The following CR2 variants were observed in gnomAD, a reference collection of about 807,000 sequenced individuals.
CR2 encodes the protein complement receptor type 2.
In CR2, 96 loss-of-function variants were observed where a neutral mutation model predicts 123.0. The observed-to-expected ratio is 0.78, with a 90% CI of 0.66 to 0.93. The LOEUF is 0.93. CR2 is among the 40% of genes least tolerant of loss of function. The pLI, the probability that CR2 is intolerant of heterozygous loss-of-function variation, is 0.00. For synonymous variants in CR2, 484 were observed against 469.5 expected (o/e 1.03, Z -0.40); for missense variants, 1,258 against 1,361.0 (o/e 0.92, Z 1.19).
Position 207,473,075 on chromosome 1 carries a change from CTG to C in CR2, c.1877_1878del (p.Val626AspfsTer6). On this transcript the variant is annotated frameshift_variant, in exon 10 of 20. Transcript: ENST00000367057. LOFTEE classifies it high-confidence loss of function. ...GAAGCCCCATATTTCTACAATGACACTGTGACATTCAAGTGTTATAGTGGATT... is the reference window on the plus strand; with the variant it reads ...GAAGCCCCATATTTCTACAATGACACTGACATTCAAGTGTTATAGTGGATT... The C allele has an allele frequency of 6.2e-7, 1 of 1,613,990 alleles. No individual in the cohort carries two copies. The highest frequency in any genetic ancestry group is 8.5e-7 in the Non-Finnish European group (1 of 1,179,918).
At position 207,471,014 on chromosome 1, in the gene CR2, A is replaced by G; in HGVS notation, c.1420A>G (p.Thr474Ala). The change falls in exon 8 of 20, where the codon ACA becomes GCA. Residue 474 changes from threonine (T) to alanine (A), a missense_variant. By Grantham distance (58) the Thr-to-Ala change is moderately conservative. Transcript: ENST00000367057. ...TTTCTTAGTGGCAGCGTGTGAAGCT[A>G]CAGGAAGGCAACTCTTGACAAAACC... ...PQCKVAACEA[T>A]GRQLLTKPQH... 1 of 1,613,896 alleles carries G rather than the reference A, an allele frequency of 6.2e-7. No homozygotes were observed.
At chr1:207,463,327 A>AT (rs942816212) in intron 1 of CR2, among the ~76,000 whole-genome samples, 11 of 152,170 alleles carry the variant, frequency 7.2e-5, no homozygotes, top group African/African-American at 2.7e-4. Context: ...GATCTGAGTA[A>AT]TTGCCACATA....
At chr1:207,485,684 A>C in intron 19 of CR2, 112 bp downstream of exon 19, 1 of 691,590 alleles carries the variant, frequency 1.4e-6, no homozygotes, top group Non-Finnish European at 2.6e-6. Flanking sequence ...CTATTGCACA[A>C]GTCTTCAGTA....
At chr1:207,472,014 C>CTTTTT in intron 9 of CR2, 1 of 187,590 alleles carries the variant, frequency 5.3e-6, no homozygotes, top group South Asian at 1.1e-4. Flanking sequence ...CTTCAGGAGG[C>CTTTTT]TGAGGGCGGC....
chr1:207,469,556 T>C, intron 5 of CR2, 139 bp from the exon 6 acceptor site: 2 of 782,678 alleles, frequency 2.6e-6, no homozygotes, highest in Non-Finnish European at 4.4e-6. Flanking sequence ...TTCTAAATTA[T>C]GTTGCTTTAG....
At chr1:207,480,390 T>A (rs1658571886) in intron 18 of CR2, among the ~76,000 whole-genome samples, 1 of 152,194 alleles carries the variant, frequency 6.6e-6, no homozygotes, top group Admixed American at 6.5e-5. Flanking sequence ...ACTGAAATTT[T>A]GTCATTTTCA....
Position 207,466,660 on chromosome 1 carries a change from T to C in CR2, c.193T>C (p.Cys65Arg). The change falls in exon 2 of 20, where the codon TGC (cysteine) becomes CGC (arginine). Residue 65 changes from cysteine (C) to arginine (R), a missense_variant. Transcript: ENST00000367057. ...FRLIGEKSLL[C>R]ITKDKVDGTW... ...CCTCATTGGAGAAAAAAGTCTATTA[T>C]GCATAACTAAAGACAAAGTGGATGG... 6.2e-7 allele frequency: 1 copy of C among 1,614,110 alleles called. No homozygotes were observed. Among genetic ancestry groups the C allele is most frequent in the South Asian group, 1.1e-5 (1 of 91,086 alleles).
At chr1:207,483,677 A>G (rs1658669901) in intron 18 of CR2, among the ~76,000 whole-genome samples, 1 of 152,214 alleles carries the variant, frequency 6.6e-6, no homozygotes, top group South Asian at 2.1e-4. Context: ...AAGGAGGCAC[A>G]TAGAATGGCT....
At chr1:207,471,534 T>C in intron 9 of CR2, 35 bp downstream of exon 9, 4 of 1,402,180 alleles carry the variant, frequency 2.9e-6, no homozygotes, top group Non-Finnish European at 4.1e-6. Context: ...GCTGAAATAA[T>C]GTGAGATCTA....
At chr1:207,467,646 A>T (rs1318679661) in intron 2 of CR2, among the ~76,000 whole-genome samples, 1 of 152,204 alleles carries the variant, frequency 6.6e-6, no homozygotes, top group Admixed American at 6.5e-5. Context: ...AAAACTGTTA[A>T]ATTAGTATAA....
In CR2 at chr1:207,477,930, G is replaced by A; in HGVS notation, c.2948G>A (p.Gly983Glu). ...SPADMDGIQK[G>E]LEPRKMYQYG... is the part of the protein sequence containing the mutation. ...GCAGATATGGATGGAATCCAGAAAG[G>A]GCTGGAACCAAGGAAAATGTATCAG... The change falls in exon 16 of 20, where the codon GGG becomes GAG. Residue 983 changes from glycine (G) to glutamate (E), a missense_variant. Transcript: ENST00000367057. The A allele has an allele frequency of 6.2e-7, 1 of 1,614,034 alleles. No individual in the cohort carries two copies. Among genetic ancestry groups the A allele is most frequent in the Non-Finnish European group, 8.5e-7 (1 of 1,179,956 alleles).
intron 14 of CR2, 36 bp downstream of exon 14, chr1:207,475,252 G>T: frequency 1.9e-6 from 3 of 1,609,874 alleles, no homozygotes; most frequent in Non-Finnish European, 1.7e-6. Flanking sequence ...ATGGGATGTT[G>T]TACAGAATAA....
In CR2 at chr1:207,468,605, C is replaced by T. The variant is rs75282758; in HGVS notation, c.524C>T (p.Pro175Leu). Residue 175 changes from proline (P) to leucine (L), a missense_variant, in exon 3 of 20, where the codon CCA (proline) becomes CTA (leucine). Physicochemically the swap from Pro to Leu is moderately conservative, Grantham distance 98. Transcript: ENST00000367057. ...AGTGAGAATGTTGGCTCCATTGCTC[C>T]AGGATTGTCTGTGACTTACAGCTGT... ...HTSENVGSIA[P>L]GLSVTYSCES... 6.2e-3 allele frequency: 9,978 copies of T among 1,614,062 alleles called. 48 individuals are homozygous for T. Among genetic ancestry groups the T allele is most frequent in the South Asian group, 8.0e-3 (727 of 91,074 alleles).
Position 207,468,850 on chromosome 1 carries a change from C to G in CR2, c.685C>G (p.Pro229Ala), listed in dbSNP as rs745407153. 3 of 1,613,984 alleles carry G rather than the reference C, an allele frequency of 1.9e-6. No individual in the cohort carries two copies. Among genetic ancestry groups the G allele is most frequent in the South Asian group, 1.1e-5 (1 of 91,084 alleles). Residue 229 changes from proline to alanine, a missense_variant, in exon 4 of 20, where the codon CCT (proline) becomes GCT (alanine). Transcript: ENST00000367057. ...GRFPNGKVKE[P>A]PILRVGVTAN... is the part of the protein sequence containing the mutation. ...ATTTCCCAATGGGAAGGTAAAGGAG[C>G]CTCCAATTCTCCGGGTTGGTGTAAC...
chr1:207,470,929 A>C lies in CR2; in HGVS notation c.1402+13A>C. On this transcript the variant is annotated intron_variant, in intron 7 of 19. Transcript: ENST00000367057. ...CCCCAATGCAAAGGTGCCAGGCCTC[A>C]AATGTAGACATTTTGTTAACTTTAA... is the stretch of plus-strand genomic sequence containing the variant. 6.2e-7 allele frequency: 1 copy of C among 1,613,872 alleles called. No individual in the cohort carries two copies. Among genetic ancestry groups the C allele is most frequent in the Non-Finnish European group, 8.5e-7 (1 of 1,179,828 alleles).
chr1:207,488,152 G>T (rs1658797813), intron 19 of CR2, among the ~76,000 whole-genome samples: 1 of 152,182 alleles, frequency 6.6e-6, no homozygotes, highest in South Asian at 2.1e-4. Flanking sequence ...AGTCTTTCAT[G>T]CCTTCTCTTA....
chr1:207,477,157 A>G (rs1474545862), intron 15 of CR2, among the ~76,000 whole-genome samples: 1 of 152,222 alleles, frequency 6.6e-6, no homozygotes, highest in African/African-American at 2.4e-5. Context: ...GGTAATTTAT[A>G]AAGGAAAGAG....
intron 19 of CR2, among the ~76,000 whole-genome samples, chr1:207,486,285 G>C (rs1254612483): frequency 6.8e-6 from 1 of 147,826 alleles, no homozygotes; most frequent in African/African-American, 2.5e-5. Context: ...TGAGGGAGGA[G>C]GATTCCAGAA....
At chr1:207,479,179 A>G in intron 16 of CR2, 78 bp from the exon 17 acceptor site, 1 of 1,140,620 alleles carries the variant, frequency 8.8e-7, no homozygotes, top group Non-Finnish European at 1.3e-6. Context: ...TTTCTGGGAC[A>G]TTACCATGAA....
Sources: allele counts gnomAD v4.1 joint callset (sites outside exome capture counted in the v4.1 genomes callset), GRCh38; gene constraint gnomAD v4.1.1; transcripts MANE v1.5; gene names NCBI Gene and HGNC (gene_info 2026-07-23, HGNC 2026-07-21).